The following MAPRE2 variants were observed in gnomAD, a reference collection of about 807,000 sequenced individuals.
MAPRE2 encodes the protein microtubule associated protein RP/EB family member 2, also known as microtubule-associated protein RP/EB family member 2.
Under a neutral mutation model 43.2 loss-of-function variants are expected in MAPRE2, and 13 were observed. That is an observed-to-expected ratio of 0.30 (90% CI 0.20 to 0.48). The LOEUF is 0.48. MAPRE2 is among the 20% of genes least tolerant of loss of function. MAPRE2 has a pLI of 0.99. For synonymous variants in MAPRE2, 135 were observed against 148.8 expected, an observed-to-expected ratio of 0.91 and a Z score of 0.68; for missense variants, 161 against 400.2, an observed-to-expected ratio of 0.40 and a Z score of 5.10.
chr18:35,048,494 TATA>T (rs1905752559), intron 1 of MAPRE2, among the ~76,000 whole-genome samples: 1 of 150,986 alleles, frequency 6.6e-6, no homozygotes, highest in South Asian at 2.1e-4. Context: ...TTTTAGAAAG[TATA>T]ATTATATATG....
intron 1 of MAPRE2, among the ~76,000 whole-genome samples, chr18:34,999,555 A>T (rs2097028297): frequency 6.6e-6 from 1 of 152,082 alleles, no homozygotes; most frequent in Non-Finnish European, 1.5e-5. Flanking sequence ...TTTTCTGGGG[A>T]TTATCTTTTA....
chr18:35,130,002 G>A (rs1158373650), intron 5 of MAPRE2, among the ~76,000 whole-genome samples: 3 of 152,176 alleles, frequency 2.0e-5, no homozygotes, highest in African/African-American at 7.2e-5. Flanking sequence ...GTTACCTAAT[G>A]CATGTGGAAT....
intron 4 of MAPRE2, among the ~76,000 whole-genome samples, chr18:35,105,169 A>G (rs1385480318): frequency 6.6e-6 from 1 of 152,140 alleles, no homozygotes. Flanking sequence ...TGAAAGAGAA[A>G]TATATATTTT....
intron 4 of MAPRE2, among the ~76,000 whole-genome samples, chr18:35,114,166 C>T (rs557714047): frequency 5.0e-4 from 76 of 152,224 alleles, no homozygotes; most frequent in Middle Eastern, 3.4e-3. Context: ...TATTATATTG[C>T]GTCTCTCATA....
At chr18:35,014,237 T>A (rs760913017) in intron 2 of MAPRE2, among the ~76,000 whole-genome samples, 23 of 152,034 alleles carry the variant, frequency 1.5e-4, no homozygotes, top group Non-Finnish European at 2.8e-4. Context: ...GTCGGAGATA[T>A]AAGGACACGG....
At chr18:35,028,793 A>T (rs2097046490) in intron 2 of MAPRE2, among the ~76,000 whole-genome samples, 1 of 152,230 alleles carries the variant, frequency 6.6e-6, no homozygotes, top group African/African-American at 2.4e-5. Flanking sequence ...TTGAAGGCAG[A>T]TAGGATCTGT....
intron 1 of MAPRE2, among the ~76,000 whole-genome samples, chr18:34,999,021 C>A (rs2097028023): frequency 6.6e-6 from 1 of 151,950 alleles, no homozygotes; most frequent in South Asian, 2.1e-4. Context: ...ACTATAAAAA[C>A]AGCAAGCATG....
intron 1 of MAPRE2, among the ~76,000 whole-genome samples, chr18:35,046,485 A>G (rs750318142): frequency 2.6e-5 from 4 of 152,250 alleles, no homozygotes; most frequent in Non-Finnish European, 5.9e-5. Flanking sequence ...AGGATCAGGC[A>G]GAATTTTCAC....
At chr18:35,087,503 A>G (rs1469069331) in intron 2 of MAPRE2, among the ~76,000 whole-genome samples, 2 of 152,174 alleles carry the variant, frequency 1.3e-5, no homozygotes, top group East Asian at 3.8e-4. Context: ...GCTTTAAAAA[A>G]TTTTATTTAT....
intron 1 of MAPRE2, among the ~76,000 whole-genome samples, chr18:34,995,545 T>A (rs146011382): frequency 6.6e-6 from 1 of 152,280 alleles, no homozygotes; most frequent in African/African-American, 2.4e-5. Context: ...ATACATATCA[T>A]CTTCAAAAGG....
chr18:35,139,503 T>C (rs947466674), intron 6 of MAPRE2, among the ~76,000 whole-genome samples: 3 of 152,192 alleles, frequency 2.0e-5, no homozygotes, highest in Admixed American at 1.3e-4. Flanking sequence ...AAGGAATAAA[T>C]AGGGCTGTTT....
At chr18:35,011,465 T>C (rs545319400) in intron 2 of MAPRE2, among the ~76,000 whole-genome samples, 9 of 152,324 alleles carry the variant, frequency 5.9e-5, no homozygotes, top group African/African-American at 2.2e-4. Context: ...CAGGTAGGGC[T>C]GGACAGACAG....
intron 2 of MAPRE2, among the ~76,000 whole-genome samples, chr18:35,077,641 G>A (rs566797940): frequency 6.6e-6 from 1 of 152,310 alleles, no homozygotes; most frequent in South Asian, 2.1e-4. Context: ...AGTGACTGGA[G>A]CCCTAACTCC....
At chr18:35,129,135 A>T (rs1910035353) in intron 5 of MAPRE2, among the ~76,000 whole-genome samples, 1 of 152,052 alleles carries the variant, frequency 6.6e-6, no homozygotes, top group Non-Finnish European at 1.5e-5. Flanking sequence ...ACACCTTCAC[A>T]CCGAGGAATG....
At chr18:34,979,958 C>T (rs1445247721) in intron 1 of MAPRE2, among the ~76,000 whole-genome samples, 1 of 151,680 alleles carries the variant, frequency 6.6e-6, no homozygotes, top group South Asian at 2.1e-4. Context: ...CACTATCACT[C>T]TCTGCACTGT....
At chr18:35,089,168 A>G (rs1908021844) in intron 2 of MAPRE2, among the ~76,000 whole-genome samples, 1 of 152,204 alleles carries the variant, frequency 6.6e-6, no homozygotes, top group Admixed American at 6.5e-5. Context: ...CCCAGAGCAC[A>G]AGTAGAGAGT....
chr18:35,055,107 C>T (rs780257863), intron 1 of MAPRE2, among the ~76,000 whole-genome samples: 1 of 152,112 alleles, frequency 6.6e-6, no homozygotes, highest in South Asian at 2.1e-4. Context: ...TTATTACAAA[C>T]GTTTATATGG....
At chr18:34,991,542 C>T (rs1458927580) in intron 1 of MAPRE2, among the ~76,000 whole-genome samples, 7 of 152,122 alleles carry the variant, frequency 4.6e-5, no homozygotes, top group South Asian at 4.1e-4. Flanking sequence ...TTCCAGAATG[C>T]GTGGCCTTTT....
At chr18:35,070,856 C>T (rs944060197) in intron 2 of MAPRE2, among the ~76,000 whole-genome samples, 8 of 152,108 alleles carry the variant, frequency 5.3e-5, no homozygotes, top group African/African-American at 1.9e-4. Context: ...TTTCATGGTT[C>T]CTTTGCTGAG....
Sources: gnomAD v4.1 joint callset for allele counts (sites outside exome capture counted in the v4.1 genomes callset) on GRCh38, gnomAD v4.1.1 for gene constraint, MANE v1.5 for transcripts, NCBI Gene and HGNC (gene_info 2026-07-23, HGNC 2026-07-21) for gene names.